The following DYNC2I2 variants were observed in gnomAD, a reference collection of about 807,000 sequenced individuals.
DYNC2I2 encodes dynein 2 intermediate chain 2.
In DYNC2I2, 39 loss-of-function variants were observed where a neutral mutation model predicts 52.0. The observed-to-expected ratio is 0.75, with a 90% CI of 0.58 to 0.98. DYNC2I2 has a LOEUF of 0.98. Among genes scored for constraint, DYNC2I2 ranks in the 50% least tolerant of loss-of-function variants. The probability of loss-of-function intolerance (pLI) is 0.00; values close to 1 mark genes in which losing one functional copy is unlikely to be tolerated. For synonymous variants in DYNC2I2, 359 were observed against 321.1 expected, an observed-to-expected ratio of 1.12 and a Z score of -1.26; for missense variants, 743 against 728.4, an observed-to-expected ratio of 1.02 and a Z score of -0.23.
the DYNC2I2 span, among the ~76,000 whole-genome samples, chr9:128,669,238 G>A: frequency 1.3e-5 from 2 of 151,852 alleles, no homozygotes; most frequent in African/African-American, 2.4e-5. Context: ...GGTGGCATGC[G>A]CCTGTAGTCC....
chr9:128,636,233 G>C, intron 4 of DYNC2I2, 48 bp downstream of exon 4: 1 of 1,551,628 alleles, frequency 6.4e-7, no homozygotes, highest in Non-Finnish European at 8.7e-7. Flanking sequence ...TGCAGGGCGG[G>C]AAGCTGAGTC....
upstream of DYNC2I2, among the ~76,000 whole-genome samples, chr9:128,661,401 C>T (rs1369940879): frequency 6.6e-6 from 1 of 151,732 alleles, no homozygotes; most frequent in Non-Finnish European, 1.5e-5. Context: ...GGCAGATCAC[C>T]TGAGGTCAGG....
the DYNC2I2 span, among the ~76,000 whole-genome samples, chr9:128,679,224 ATC>A: frequency 6.6e-6 from 1 of 152,098 alleles, no homozygotes; most frequent in Non-Finnish European, 1.5e-5. Context: ...TCTCTTCATG[ATC>A]TTAGGCAAAT....
the DYNC2I2 span, among the ~76,000 whole-genome samples, chr9:128,672,216 C>T: frequency 8.6e-5 from 13 of 151,578 alleles, no homozygotes; most frequent in African/African-American, 2.7e-4. Flanking sequence ...GTGATCCGCC[C>T]GTCTCGGCCT....
rs752349853 is a variant in DYNC2I2, at chr9:128,634,685, G to A, written c.1214+4C>T. On this transcript the variant is annotated splice_donor_region_variant and intron_variant, in intron 7 of 8. Transcript: ENST00000372715. ...CCACTGTGCCCCAGGCCTGCCCTACGTACCTGTGGAAGGGGGAACAGCTCA... is the reference window on the plus strand; with the variant it reads ...CCACTGTGCCCCAGGCCTGCCCTACATACCTGTGGAAGGGGGAACAGCTCA... 8.5e-5 allele frequency: 131 copies of A among 1,547,808 alleles called. 1 individual carries two copies. The South Asian group carries it at 1.1e-3, about 13-fold the overall frequency.
chr9:128,641,347 C>T (rs1276747152), intron 1 of DYNC2I2, among the ~76,000 whole-genome samples: 1 of 152,092 alleles, frequency 6.6e-6, no homozygotes, highest in African/African-American at 2.4e-5. Flanking sequence ...CATGAACACC[C>T]CAGCTTCACA....
chr9:128,640,545 T>G, intron 2 of DYNC2I2, 146 bp downstream of exon 2: 1 of 1,298,898 alleles, frequency 7.7e-7, no homozygotes, highest in Non-Finnish European at 1.0e-6. Context: ...TTAGGGAACC[T>G]AGCGCAGTAC....
At chr9:128,666,783 G>A in the DYNC2I2 span, among the ~76,000 whole-genome samples, 3 of 151,508 alleles carry the variant, frequency 2.0e-5, no homozygotes, top group South Asian at 6.2e-4. Context: ...AGAAGATAAG[G>A]CCTGGCATGG....
the DYNC2I2 span, among the ~76,000 whole-genome samples, chr9:128,669,691 T>C: frequency 6.6e-6 from 1 of 152,016 alleles, no homozygotes; most frequent in Non-Finnish European, 1.5e-5. Context: ...GAGCGTAACT[T>C]TGTTTGAGAT....
At chr9:128,662,350 A>G in the DYNC2I2 span, among the ~76,000 whole-genome samples, 1 of 152,098 alleles carries the variant, frequency 6.6e-6, no homozygotes, top group Admixed American at 6.6e-5. Context: ...ACAGATGGAT[A>G]CTGGACATAA....
chr9:128,670,737 AC>A, the DYNC2I2 span, among the ~76,000 whole-genome samples: 2 of 57,656 alleles, frequency 3.5e-5, no homozygotes, highest in East Asian at 4.4e-4. Flanking sequence ...TCCATCTCAA[AC>A]AACAACAACA....
At chr9:128,662,702 A>G in the DYNC2I2 span, among the ~76,000 whole-genome samples, 3 of 151,950 alleles carry the variant, frequency 2.0e-5, no homozygotes, top group African/African-American at 7.2e-5. Flanking sequence ...GCTTCAGCCT[A>G]CAGAGTAGCT....
chr9:128,639,935 G>T (rs1860479961), intron 2 of DYNC2I2, among the ~76,000 whole-genome samples: 1 of 151,944 alleles, frequency 6.6e-6, no homozygotes, highest in Non-Finnish European at 1.5e-5. Context: ...CAAAGTGCTG[G>T]GATTACAGGC....
intron 2 of DYNC2I2, among the ~76,000 whole-genome samples, chr9:128,638,283 C>T (rs989140432): frequency 7.3e-5 from 11 of 151,238 alleles, no homozygotes; most frequent in African/African-American, 1.7e-4. Context: ...CTTTGGGAGG[C>T]GGAGGCGGGC....
the DYNC2I2 span, chr9:128,684,019 C>T: frequency 1.6e-5 from 25 of 1,526,532 alleles, no homozygotes; most frequent in Middle Eastern, 3.4e-4. Flanking sequence ...TACGTTTCTG[C>T]GCTAAGTTTT....
chr9:128,634,226 C>G lies in DYNC2I2; in HGVS notation c.1372G>C (p.Gly458Arg), dbSNP rs747389166. The change falls in exon 8 of 9, where the codon GGT (glycine) becomes CGT (arginine). Residue 458 changes from glycine to arginine, a missense_variant and splice_region_variant. Gly to Arg is a moderately radical substitution (Grantham distance 125, BLOSUM62 -2). Transcript: ENST00000372715. Reference sequence around the variant, plus strand: ...TCCAGGCCTAGCGGCCCCTTCCTACCTTTCCCAGAGGCAGCTGCAAAAACC... The same window carrying G: ...TCCAGGCCTAGCGGCCCCTTCCTACGTTTCCCAGAGGCAGCTGCAAAAACC... ...PLVFAAASGK[G>R]DVQLFDLQKS... 1 of 1,613,656 alleles carries G rather than the reference C, an allele frequency of 6.2e-7. No individual in the cohort carries two copies.
At chr9:128,635,387 A>C in intron 5 of DYNC2I2, 128 bp from the exon 6 acceptor site, 1 of 1,230,736 alleles carries the variant, frequency 8.1e-7, no homozygotes. Flanking sequence ...AACCAGGCTC[A>C]CCCACCAGGG....
At chr9:128,653,493 T>A (rs1343827819) in intron 1 of DYNC2I2, among the ~76,000 whole-genome samples, 2 of 148,946 alleles carry the variant, frequency 1.3e-5, no homozygotes, top group African/African-American at 5.1e-5. Flanking sequence ...GGCAGGCGGA[T>A]CACGAGGTCA....
chr9:128,660,096 A>G (rs1860900608), upstream of DYNC2I2, among the ~76,000 whole-genome samples: 1 of 148,506 alleles, frequency 6.7e-6, no homozygotes, highest in South Asian at 2.1e-4. Flanking sequence ...AAAACTCATT[A>G]TTATTATTAT....
Sources: allele counts gnomAD v4.1 joint callset (sites outside exome capture counted in the v4.1 genomes callset), GRCh38; gene constraint gnomAD v4.1.1; transcripts MANE v1.5; gene names NCBI Gene and HGNC (gene_info 2026-07-23, HGNC 2026-07-21).